The following NREP variants were observed in gnomAD, a reference collection of about 807,000 sequenced individuals.
NREP encodes the protein neuronal regeneration-related protein.
Under a neutral mutation model 8.6 loss-of-function variants are expected in NREP, and 5 were observed. That is an observed-to-expected ratio of 0.58 (90% CI 0.30 to 1.22). The LOEUF (loss-of-function observed/expected upper bound fraction) is 1.22. NREP is among the 50% of genes most tolerant of loss of function. The pLI is 0.07. For missense variants in NREP, 86 were observed against 82.5 expected (o/e 1.04, Z -0.17); for synonymous variants, 27 against 28.0 (o/e 0.96, Z 0.11).
chr5:111,969,596 G>T (rs1357137535), intron 2 of NREP: 2 of 152,174 alleles, frequency 1.3e-5, no homozygotes, highest in East Asian at 1.9e-4. Flanking sequence ...TTTTTAAAAG[G>T]TGTCATGTTG....
intron 2 of NREP, among the ~76,000 whole-genome samples, chr5:111,829,332 G>A (rs1395900423): frequency 6.6e-6 from 1 of 152,174 alleles, no homozygotes; most frequent in African/African-American, 2.4e-5. Flanking sequence ...CAGCCACATG[G>A]AGGAAGAATT....
At chr5:111,760,672 G>C (rs1191822363), upstream of NREP, among the ~76,000 whole-genome samples, 5 of 152,298 alleles carry the variant, frequency 3.3e-5, no homozygotes, top group East Asian at 7.7e-4. Context: ...GCAAGTTGAA[G>C]GAGGAAAGGG....
At chr5:111,890,347 C>T (rs558221584) in intron 2 of NREP, among the ~76,000 whole-genome samples, 9 of 152,220 alleles carry the variant, frequency 5.9e-5, no homozygotes, top group Non-Finnish European at 1.0e-4. Flanking sequence ...CAGCTACTCT[C>T]AGAGGTTGTA....
At chr5:111,880,481 C>A (rs895514639) in intron 2 of NREP, among the ~76,000 whole-genome samples, 1 of 152,146 alleles carries the variant, frequency 6.6e-6, no homozygotes, top group Non-Finnish European at 1.5e-5. Context: ...GGCTACTTCT[C>A]ATTGTGTTCT....
chr5:111,951,760 T>C (rs980008306), intron 2 of NREP, among the ~76,000 whole-genome samples: 20 of 152,092 alleles, frequency 1.3e-4, no homozygotes, highest in Admixed American at 6.6e-5. Flanking sequence ...GCACTTAAAA[T>C]CTCAAAAGTT....
At chr5:111,877,463 G>A (rs1753937579) in intron 2 of NREP, among the ~76,000 whole-genome samples, 1 of 152,182 alleles carries the variant, frequency 6.6e-6, no homozygotes, top group South Asian at 2.1e-4. Flanking sequence ...TCAAAAAATA[G>A]AGATTTGCTT....
In NREP at chr5:111,908,988, G is replaced by T. The variant is rs1754842553; in HGVS notation, c.135+66286C>A. Among the ~76,000 whole-genome samples, 3 of 151,974 alleles carry T rather than the reference G, an allele frequency of 2.0e-5. No homozygotes were observed. The South Asian group carries it at 6.2e-4, about 32-fold the overall frequency. On this transcript the variant is annotated intron_variant, in intron 2 of 3. Transcript: ENST00000395634. ...TTTCTCTGATGATTCGTGATGTTGA[G>T]CATTTTTCTTATGTCTGCTGGTCAC...
At chr5:111,949,696 T>C (rs1756099662) in intron 2 of NREP, among the ~76,000 whole-genome samples, 1 of 152,084 alleles carries the variant, frequency 6.6e-6, no homozygotes, top group African/African-American at 2.4e-5. Context: ...TTTCTGTTTC[T>C]GTGTTAGTTT....
intron 2 of NREP, among the ~76,000 whole-genome samples, chr5:111,906,888 T>G (rs187383816): frequency 6.6e-6 from 1 of 152,180 alleles, no homozygotes. Flanking sequence ...TTAATAATTC[T>G]TTCTATAGTT....
At chr5:111,748,555 G>A (rs1413306886) in intron 2 of NREP, among the ~76,000 whole-genome samples, 1 of 152,148 alleles carries the variant, frequency 6.6e-6, no homozygotes, top group African/African-American at 2.4e-5. Flanking sequence ...GATTAGACTG[G>A]TTCATGGTGT....
intron 2 of NREP, among the ~76,000 whole-genome samples, chr5:111,900,825 C>G (rs1416318949): frequency 2.0e-5 from 3 of 152,082 alleles, no homozygotes; most frequent in East Asian, 3.8e-4. Flanking sequence ...TGAATTCTAC[C>G]AAACTTATAA....
chr5:111,754,164 C>T (rs1375825443), intron 2 of NREP, among the ~76,000 whole-genome samples: 10 of 152,138 alleles, frequency 6.6e-5, no homozygotes, highest in Admixed American at 2.0e-4. Context: ...CATACATAAA[C>T]GACAACTGCA....
chr5:111,830,655 G>C (rs550919379), intron 2 of NREP, among the ~76,000 whole-genome samples: 27 of 152,332 alleles, frequency 1.8e-4, no homozygotes, highest in Admixed American at 1.6e-3. Flanking sequence ...TTAGGGGTGT[G>C]GCTGAGGTCT....
chr5:111,855,814 A>C (rs1002023922), intron 2 of NREP, among the ~76,000 whole-genome samples: 1 of 152,150 alleles, frequency 6.6e-6, no homozygotes, highest in African/African-American at 2.4e-5. Context: ...CAACCTCCCC[A>C]ATAATACTTT....
At chr5:111,756,890 A>C (rs914637909) in intron 1 of NREP, among the ~76,000 whole-genome samples, 3 of 152,210 alleles carry the variant, frequency 2.0e-5, no homozygotes, top group South Asian at 2.1e-4. Flanking sequence ...ACCCCTTCCC[A>C]AAAGAATTCA....
In NREP at chr5:111,764,880, CAT is replaced by C. The variant is rs373559430; in HGVS notation, c.136-29375_136-29374del. On this transcript the variant is annotated intron_variant, in intron 2 of 3. Coordinates refer to the NREP transcript ENST00000395634. The stretch of plus-strand genomic sequence containing the variant: ...AGGTGCTTGCATTTAACAGTAATTT[CAT>C]ATGTTTGTTGCACTTTCTAACTTGT... Among the ~76,000 whole-genome samples, 195 of 152,240 alleles carry C rather than the reference CAT, an allele frequency of 1.3e-3. 2 individuals carry two copies. The South Asian group carries it at 0.018, about 14-fold the overall frequency.
At chr5:111,867,100 C>T (rs2112490390) in intron 2 of NREP, among the ~76,000 whole-genome samples, 1 of 150,972 alleles carries the variant, frequency 6.6e-6, no homozygotes, top group East Asian at 1.9e-4. Context: ...ACATACGTAA[C>T]TAACCTGCAC....
intron 2 of NREP, among the ~76,000 whole-genome samples, chr5:111,889,096 A>G (rs529542379): frequency 6.6e-6 from 1 of 152,234 alleles, no homozygotes; most frequent in Non-Finnish European, 1.5e-5. Context: ...GCCTTGCTAT[A>G]AAGAAATACC....
upstream of NREP, chr5:111,758,313 TCTC>T (rs747845797): frequency 1.7e-4 from 166 of 949,414 alleles, no homozygotes; most frequent in Non-Finnish European, 2.0e-4. Flanking sequence ...GGTGCTTCCT[TCTC>T]CTTCCCTATA....
Sources: allele counts gnomAD v4.1 joint callset (sites outside exome capture counted in the v4.1 genomes callset), GRCh38; gene constraint gnomAD v4.1.1; transcripts MANE v1.5; gene names NCBI Gene and HGNC (gene_info 2026-07-23, HGNC 2026-07-21).